Variants in HIRA observed in about 807,000 individuals in gnomAD.
HIRA encodes the protein histone cell cycle regulator.
A neutral mutation model predicts 126.6 loss-of-function variants in HIRA; 13 were observed. The ratio of observed to expected loss-of-function variants is 0.10; its 90% CI spans 0.07 to 0.16. The LOEUF is 0.16. HIRA is among the 10% of genes least tolerant of loss of function. HIRA has a pLI of 1.00. For synonymous variants in HIRA, 511 were observed against 520.0 expected (o/e 0.98, Z 0.24); for missense variants, 834 against 1,314.4 (o/e 0.63, Z 5.65).
chr22:19,417,746 C>A (rs538818945), intron 1 of HIRA, among the ~76,000 whole-genome samples: 25 of 152,292 alleles, frequency 1.6e-4, no homozygotes, highest in Admixed American at 1.5e-3. Flanking sequence ...GGCAATTATA[C>A]TTCTGGGTAT....
intron 5 of HIRA, among the ~76,000 whole-genome samples, chr22:19,403,376 A>G (rs538948148): frequency 6.6e-6 from 1 of 152,284 alleles, no homozygotes; most frequent in African/African-American, 2.4e-5. Context: ...TCGGGAGGCC[A>G]GGACAGGCAG....
intron 19 of HIRA, 55 bp from the exon 20 acceptor site, chr22:19,356,343 T>C: frequency 6.6e-7 from 1 of 1,524,606 alleles, no homozygotes; most frequent in Non-Finnish European, 9.1e-7. Flanking sequence ...CACATCAGAG[T>C]GTGCCTTGGC....
At chr22:19,386,934 G>A (rs1325695238) in intron 11 of HIRA, among the ~76,000 whole-genome samples, 3 of 152,232 alleles carry the variant, frequency 2.0e-5, no homozygotes, top group African/African-American at 7.2e-5. Flanking sequence ...CACACTGTAG[G>A]TTAAGAGGAA....
chr22:19,398,214 A>C, intron 5 of HIRA, 127 bp from the exon 6 acceptor site: 1 of 656,806 alleles, frequency 1.5e-6, no homozygotes, highest in Non-Finnish European at 2.7e-6. Context: ...CAACCTGAAA[A>C]AACTCCCCCC....
intron 1 of HIRA, 142 bp downstream of exon 1, chr22:19,431,298 C>T (rs1601870034): frequency 1.1e-6 from 1 of 927,304 alleles, no homozygotes; most frequent in Non-Finnish European, 1.7e-6. Context: ...AGGACAAAGT[C>T]CGCTCCCGCC....
chr22:19,374,219 A>G (rs1228017397), intron 15 of HIRA, among the ~76,000 whole-genome samples: 1 of 152,094 alleles, frequency 6.6e-6, no homozygotes, highest in Admixed American at 6.5e-5. Context: ...CAGTAATCCC[A>G]GCTACTTGGG....
Position 19,330,979 on chromosome 22 carries a change from T to C in HIRA, c.*461A>G, listed in dbSNP as rs2088477885. The C allele has an allele frequency of 3.3e-6, 1 of 304,134 alleles. No homozygotes were observed. The highest frequency in any genetic ancestry group is 4.2e-5 in the South Asian group (1 of 23,592). The allele number at this position is 304,134 out of a possible 1,614,324, so 18.8% of individuals were successfully genotyped here. A position where few individuals can be genotyped will look rare whatever the true frequency, so the allele number is the denominator to read the frequency against. On this transcript the variant is annotated 3_prime_UTR_variant, in exon 25 of 25. Transcript: ENST00000263208. ...AAGTTAGCAAATTCTAGTACAAAAA[T>C]AGTCCGTGTGTTGGAACAGCTTTCC...
Position 19,378,028 on chromosome 22 carries a change from G to A in HIRA, c.1454C>T (p.Ser485Leu), listed in dbSNP as rs761210709. 5.6e-6 allele frequency: 9 copies of A among 1,601,250 alleles called. No homozygotes were observed. Among genetic ancestry groups the A allele is most frequent in the South Asian group, 1.1e-5 (1 of 89,362 alleles). The change falls in exon 14 of 25, where the codon TCG (serine) becomes TTG (leucine). Residue 485 changes from serine to leucine, a missense_variant. Ser to Leu is a moderately radical substitution (Grantham distance 145, BLOSUM62 -2). Around this residue, in one of 5 missense-constraint regions of HIRA, gnomAD observed 468 missense variants for 574.2 expected, o/e 0.82. Coordinates refer to ENST00000263208, the MANE Select transcript of HIRA (RefSeq NM_003325.4). ...STAFFNSIPL[S>L]GSLAGTMLSS... The stretch of plus-strand genomic sequence containing the variant: ...GAGCATGGTGCCCGCCAGGGAGCCC[G>A]AGAGGGGGATGCTGTTAAAGAATGC...
At chr22:19,336,828 T>C (rs1165659973) in intron 24 of HIRA, among the ~76,000 whole-genome samples, 1 of 152,116 alleles carries the variant, frequency 6.6e-6, no homozygotes, top group Non-Finnish European at 1.5e-5. Flanking sequence ...TCTCCATCCC[T>C]AGGGGAAGGG....
intron 17 of HIRA, among the ~76,000 whole-genome samples, chr22:19,360,027 T>C (rs1432109357): frequency 1.3e-5 from 2 of 152,126 alleles, no homozygotes; most frequent in Non-Finnish European, 2.9e-5. Context: ...GGCAGGGGTG[T>C]TTATGGCACA....
At chr22:19,395,130 G>A (rs558717756) in intron 7 of HIRA, among the ~76,000 whole-genome samples, 15 of 152,294 alleles carry the variant, frequency 9.8e-5, no homozygotes, top group African/African-American at 3.6e-4. Flanking sequence ...GGGGGCTGAG[G>A]CAGAGCATCC....
chr22:19,370,612 C>A (rs2088956174), intron 15 of HIRA, among the ~76,000 whole-genome samples: 1 of 152,160 alleles, frequency 6.6e-6, no homozygotes, highest in Non-Finnish European at 1.5e-5. Flanking sequence ...AAGAAAACAG[C>A]CACATCAAGA....
At chr22:19,420,854 T>A (rs1323181012) in intron 1 of HIRA, among the ~76,000 whole-genome samples, 1 of 152,224 alleles carries the variant, frequency 6.6e-6, no homozygotes, top group Non-Finnish European at 1.5e-5. Flanking sequence ...AACAAAAAGT[T>A]ATCTGCAAAA....
At chr22:19,334,172 C>T (rs139449300) in intron 24 of HIRA, among the ~76,000 whole-genome samples, 2,731 of 150,516 alleles carry the variant, frequency 0.018, 34 homozygotes, top group Middle Eastern at 0.031. Context: ...AGATGGGGTT[C>T]CACCATGTTA....
rs782262636 is a variant in HIRA at position 19,331,347 on chromosome 22, C to G, written c.*93G>C. 6.2e-6 allele frequency: 10 copies of G among 1,601,750 alleles called. No individual in the cohort carries two copies. Among genetic ancestry groups the G allele is most frequent in the Non-Finnish European group, 7.6e-6 (9 of 1,178,538 alleles). On this transcript the variant is annotated 3_prime_UTR_variant, in exon 25 of 25. Transcript: ENST00000263208. Reference sequence around the variant, plus strand: ...CATCTCCTGCCAGTGTCTCCTCCCCCTACAGCCTGGTCAGGTGAGAGGCGG... The same window carrying G: ...CATCTCCTGCCAGTGTCTCCTCCCCGTACAGCCTGGTCAGGTGAGAGGCGG...
Position 19,348,971 on chromosome 22 carries a change from T to G in HIRA, c.2937+2387A>C, listed in dbSNP as rs1556009915. ...CAGCTAATTTTTTTTTTTAGTAGAG[T>G]CGGGGTTTCACCATGTTGGCTGGGT... On this transcript the variant is annotated intron_variant, in intron 24 of 24. Coordinates refer to ENST00000263208, the MANE Select transcript of HIRA (RefSeq NM_003325.4). 2.9e-5 allele frequency among the ~76,000 whole-genome samples: 4 copies of G among 138,834 alleles called. 1 individual carries two copies. 91.1% of individuals were successfully genotyped at this position (138,834 alleles called of 152,430 possible). A position where few individuals can be genotyped will look rare whatever the true frequency, so the allele number is the denominator to read the frequency against.
At chr22:19,405,981 A>G (rs1249259476) in intron 4 of HIRA, 101 bp from the exon 5 acceptor site, 3 of 657,170 alleles carry the variant, frequency 4.6e-6, no homozygotes, top group Non-Finnish European at 6.9e-6. Flanking sequence ...GAACAAAGCA[A>G]AAACAAACAA....
intron 9 of HIRA, among the ~76,000 whole-genome samples, chr22:19,390,694 CCCAT>C (rs2089172601): frequency 6.6e-6 from 1 of 150,496 alleles, no homozygotes; most frequent in South Asian, 2.1e-4. Context: ...CACAACCTTA[CCCAT>C]CACAGCATCA....
At chr22:19,361,691 G>A in intron 16 of HIRA, 36 bp downstream of exon 16, 1 of 1,592,028 alleles carries the variant, frequency 6.3e-7, no homozygotes, top group Non-Finnish European at 8.6e-7. Flanking sequence ...ACAGAAAGGT[G>A]GGCTAAAGAA....
Sources: gnomAD v4.1 joint callset for allele counts (sites outside exome capture counted in the v4.1 genomes callset) on GRCh38, gnomAD v4.1.1 for gene constraint, gnomAD v4.1.1 regional missense constraint, MANE v1.5 for transcripts, NCBI Gene and HGNC (gene_info 2026-07-23, HGNC 2026-07-21) for gene names.